Variants in TAF4B observed in about 807,000 individuals in gnomAD.
TAF4B encodes the protein transcription initiation factor TFIID subunit 4B.
A neutral mutation model predicts 86.4 loss-of-function variants in TAF4B; 38 were observed. The ratio of observed to expected loss-of-function variants is 0.44; its 90% confidence interval spans 0.34 to 0.58. TAF4B has a LOEUF of 0.58. TAF4B is among the 20% of genes least tolerant of loss of function. The pLI, the probability that TAF4B is intolerant of heterozygous loss-of-function variation, is 0.02. For missense variants in TAF4B, 988 were observed against 1,027.6 expected, an observed-to-expected ratio of 0.96 and a Z score of 0.53; for synonymous variants, 388 against 391.2, an observed-to-expected ratio of 0.99 and a Z score of 0.10.
chr18:26,258,589 C>T (rs965015195), intron 1 of TAF4B, among the ~76,000 whole-genome samples: 18 of 152,114 alleles, frequency 1.2e-4, no homozygotes, highest in Admixed American at 1.0e-3. Flanking sequence ...GTTTTTTCCA[C>T]GTGAATTTGA....
chr18:26,243,150 G>T (rs1473129957), intron 1 of TAF4B, among the ~76,000 whole-genome samples: 1 of 152,184 alleles, frequency 6.6e-6, no homozygotes, highest in African/African-American at 2.4e-5. Flanking sequence ...GGTTGGGGAA[G>T]TTCTCCTGGT....
intron 1 of TAF4B, among the ~76,000 whole-genome samples, chr18:26,257,575 T>C (rs2056102450): frequency 6.6e-6 from 1 of 152,210 alleles, no homozygotes; most frequent in Non-Finnish European, 1.5e-5. Flanking sequence ...GGACTTAGCC[T>C]GCCATTTACT....
intron 13 of TAF4B, among the ~76,000 whole-genome samples, chr18:26,351,425 TAGG>T (rs1160940765): frequency 6.6e-6 from 1 of 152,104 alleles, no homozygotes; most frequent in African/African-American, 2.4e-5. Flanking sequence ...TACAGCTAGA[TAGG>T]AGAAGTAAGT....
chr18:26,317,228 A>C (rs113649987), intron 10 of TAF4B, among the ~76,000 whole-genome samples: 2 of 151,932 alleles, frequency 1.3e-5, no homozygotes, highest in East Asian at 1.9e-4. Context: ...ATGGGGTTTC[A>C]CCATGTTGGC....
chr18:26,226,865 C>G lies in TAF4B; in HGVS notation c.-69C>G. On this transcript the variant is annotated 5_prime_UTR_variant, in exon 1 of 15. Transcript: ENST00000269142. ...CGAACCGCACCGGAGTCGGCTGCCG[C>G]GCGCCAAGCCTCCCCTCACCTCTGC... The G allele has an allele frequency of 8.1e-7, 1 of 1,240,850 alleles. No individual in the cohort carries two copies. Among genetic ancestry groups the G allele is most frequent in the Non-Finnish European group, 1.0e-6 (1 of 969,222 alleles). 76.9% of individuals were successfully genotyped at this position (1,240,850 alleles called of 1,614,324 possible).
rs776976703 is a variant in TAF4B at position 26,285,222 on chromosome 18, G to GTTTTTTTT, written c.973-653_973-646dup. Among the ~76,000 whole-genome samples the GTTTTTTTT allele has an allele frequency of 5.3e-3, 241 of 45,674 alleles. 15 individuals carry two copies. Among genetic ancestry groups the GTTTTTTTT allele is most frequent in the African/African-American group, 0.012 (190 of 15,966 alleles). The allele number at this position is 45,674 out of a possible 152,430, so 30.0% of individuals were successfully genotyped here. ...ATTTCTTCCTTTCCTTTTTTTTTTT[G>GTTTTTTTT]TTTTTTTTTTTTTTGGAGATGGGGT... is the stretch of plus-strand genomic sequence containing the variant. On this transcript the variant is annotated intron_variant, in intron 6 of 14. Transcript: ENST00000269142.
At chr18:26,368,019 C>T (rs2057382808) in intron 14 of TAF4B, among the ~76,000 whole-genome samples, 1 of 152,118 alleles carries the variant, frequency 6.6e-6, no homozygotes, top group African/African-American at 2.4e-5. Flanking sequence ...TTCCTTTGTG[C>T]TCTCTTCAAA....
At chr18:26,230,295 G>C (rs538424992) in intron 1 of TAF4B, among the ~76,000 whole-genome samples, 1 of 152,284 alleles carries the variant, frequency 6.6e-6, no homozygotes, top group African/African-American at 2.4e-5. Flanking sequence ...GAAGCAGTGA[G>C]GTCCCTTTTC....
intron 6 of TAF4B, among the ~76,000 whole-genome samples, chr18:26,282,448 G>T (rs2056462099): frequency 6.6e-6 from 1 of 152,072 alleles, no homozygotes; most frequent in South Asian, 2.1e-4. Context: ...ACTTTATTAG[G>T]TATACAATAG....
At chr18:26,306,476 C>T (rs1287145699) in intron 9 of TAF4B, among the ~76,000 whole-genome samples, 3 of 152,160 alleles carry the variant, frequency 2.0e-5, no homozygotes, top group Non-Finnish European at 4.4e-5. Flanking sequence ...TCTTCTTAAT[C>T]GTCTATGAAA....
At chr18:26,313,867 T>A (rs1033117026) in intron 9 of TAF4B, among the ~76,000 whole-genome samples, 2 of 152,056 alleles carry the variant, frequency 1.3e-5, no homozygotes, top group African/African-American at 4.8e-5. Context: ...GGTATCTCCC[T>A]ATGTTGCCCA....
intron 11 of TAF4B, among the ~76,000 whole-genome samples, chr18:26,322,413 A>G (rs12963685): frequency 1.3e-5 from 2 of 151,500 alleles, no homozygotes; most frequent in Admixed American, 6.6e-5. Flanking sequence ...TGAAAAAAAC[A>G]AAAAATTAAT....
intron 9 of TAF4B, among the ~76,000 whole-genome samples, chr18:26,296,621 G>A (rs890062333): frequency 6.6e-6 from 1 of 151,982 alleles, no homozygotes; most frequent in Non-Finnish European, 1.5e-5. Context: ...TCAGTTTAAT[G>A]ACTCTTGACA....
chr18:26,274,919 T>C lies in TAF4B; in HGVS notation c.760-12T>C. The C allele has an allele frequency of 6.2e-7, 1 of 1,611,926 alleles. No individual in the cohort carries two copies. Among genetic ancestry groups the C allele is most frequent in the Non-Finnish European group, 8.5e-7 (1 of 1,179,394 alleles). The stretch of plus-strand genomic sequence containing the variant: ...CACTTGTGTTTGCTTATATTTACAT[T>C]TTCATATTTAGACAATGCTAGAAAA... On this transcript the variant is annotated splice_polypyrimidine_tract_variant and intron_variant, in intron 4 of 14. Coordinates refer to ENST00000269142, the MANE Select transcript of TAF4B (RefSeq NM_005640.3).
chr18:26,294,270 G>A (rs1391593381), intron 9 of TAF4B, among the ~76,000 whole-genome samples: 2 of 151,992 alleles, frequency 1.3e-5, no homozygotes, highest in Non-Finnish European at 2.9e-5. Flanking sequence ...GTCCAACTTT[G>A]TGAGCAATTG....
intron 14 of TAF4B, among the ~76,000 whole-genome samples, chr18:26,382,252 T>C (rs1978293229): frequency 6.6e-6 from 1 of 152,182 alleles, no homozygotes. Flanking sequence ...TTATGTGAGT[T>C]TTCAGAGGTC....
chr18:26,327,457 T>C (rs564951546), intron 12 of TAF4B, among the ~76,000 whole-genome samples: 3 of 152,296 alleles, frequency 2.0e-5, no homozygotes, highest in East Asian at 3.9e-4. Context: ...TTGAAGTTGA[T>C]AGGGAAAATT....
At chr18:26,271,378 C>G (rs1366927556) in intron 3 of TAF4B, among the ~76,000 whole-genome samples, 1 of 152,154 alleles carries the variant, frequency 6.6e-6, no homozygotes, top group Non-Finnish European at 1.5e-5. Flanking sequence ...GTGAATAAAC[C>G]TAAAGCAATT....
At chr18:26,254,919 C>CAGT (rs1182125359) in intron 1 of TAF4B, among the ~76,000 whole-genome samples, 1 of 152,150 alleles carries the variant, frequency 6.6e-6, no homozygotes, top group Non-Finnish European at 1.5e-5. Context: ...GCTTAATAAT[C>CAGT]AGTAGTACAG....
Sources: gnomAD v4.1 joint callset for allele counts (sites outside exome capture counted in the v4.1 genomes callset) on GRCh38, gnomAD v4.1.1 for gene constraint, MANE v1.5 for transcripts, NCBI Gene and HGNC (gene_info 2026-07-23, HGNC 2026-07-21) for gene names.